Variants in TRAPPC9 observed in about 807,000 individuals in gnomAD.
TRAPPC9 encodes IKK2 binding protein.
In TRAPPC9, 83 loss-of-function variants were observed where a neutral mutation model predicts 124.0. The observed-to-expected ratio is 0.67, with a 90% CI of 0.56 to 0.80. The LOEUF (loss-of-function observed/expected upper bound fraction) is 0.80, where lower values mean the gene tolerates loss of function less well. TRAPPC9 is among the 30% of genes least tolerant of loss of function. The pLI is 0.00. For synonymous variants in TRAPPC9, 638 were observed against 617.5 expected (o/e 1.03, Z -0.49); for missense variants, 1,302 against 1,508.3 (o/e 0.86, Z 2.27).
chr8:139,795,156 C>T (rs1197944575), intron 21 of TRAPPC9, among the ~76,000 whole-genome samples: 5 of 152,198 alleles, frequency 3.3e-5, no homozygotes, highest in African/African-American at 9.7e-5. Flanking sequence ...CAGCCCAGGT[C>T]CCCCATGGGC....
rs549224731 is a variant in TRAPPC9, at chr8:140,305,808, T to C, written c.1623-5194A>G. 2.0e-5 allele frequency among the ~76,000 whole-genome samples: 3 copies of C among 152,316 alleles called. No individual in the cohort carries two copies. The South Asian group carries it at 6.2e-4, about 32-fold the overall frequency. ...AAGAGCTTTTCTGCTTATAAAACAA[T>C]TTCCCAAACATTTCATTTGATCCAT... On this transcript the variant is annotated intron_variant, in intron 10 of 22. Coordinates refer to ENST00000438773, the MANE Select transcript of TRAPPC9 (RefSeq NM_001160372.4).
intron 2 of TRAPPC9, among the ~76,000 whole-genome samples, chr8:140,443,228 G>A (rs960266215): frequency 2.7e-5 from 4 of 148,070 alleles, no homozygotes; most frequent in Admixed American, 6.8e-5. Context: ...AAAGTCAGGA[G>A]ATCGAGACCA....
At chr8:140,291,229 T>C (rs899806611) in intron 11 of TRAPPC9, 151 bp from the exon 12 acceptor site, 1 of 737,482 alleles carries the variant, frequency 1.4e-6, no homozygotes, top group African/African-American at 1.7e-5. Context: ...AAAGCTGCTT[T>C]TTCCACCAGC....
chr8:140,240,468 C>A (rs1246485349), intron 16 of TRAPPC9, among the ~76,000 whole-genome samples: 1 of 152,250 alleles, frequency 6.6e-6, no homozygotes, highest in Non-Finnish European at 1.5e-5. Context: ...TCACCTGGCA[C>A]ACTCCTGGTT....
intron 17 of TRAPPC9, among the ~76,000 whole-genome samples, chr8:140,180,132 T>G (rs1352551940): frequency 6.6e-6 from 1 of 151,692 alleles, no homozygotes; most frequent in Non-Finnish European, 1.5e-5. Context: ...GTCTCTTTTT[T>G]GTTCCTTTTC....
intron 11 of TRAPPC9, chr8:140,291,279 T>C: frequency 1.6e-6 from 1 of 639,932 alleles, no homozygotes; most frequent in Non-Finnish European, 2.8e-6. Context: ...ACTGGCACTT[T>C]GATGCCACAT....
At chr8:140,458,145 G>A, upstream of TRAPPC9, 2 of 1,478,994 alleles carry the variant, frequency 1.4e-6, no homozygotes, top group Admixed American at 4.1e-5. Flanking sequence ...AGAGGAGGAG[G>A]GAAGGAGGGA....
chr8:140,148,198 A>G (rs913155107), intron 17 of TRAPPC9, among the ~76,000 whole-genome samples: 2 of 152,202 alleles, frequency 1.3e-5, no homozygotes, highest in African/African-American at 2.4e-5. Flanking sequence ...AAGGAGTCAG[A>G]TGTATCCTGA....
At position 140,252,373 on chromosome 8, in the gene TRAPPC9, T is replaced by C. The variant is rs879152395; in HGVS notation, c.2431+404A>G. On this transcript the variant is annotated intron_variant, in intron 16 of 22. Transcript: ENST00000438773. The surrounding 1 kb of genome is among the most constrained non-coding windows in gnomAD (Gnocchi z 4.2). Reference sequence around the variant, plus strand: ...ATCAGTCCTAATGTTACAACAAATATAAATTTCCATTTCTTCCACACTCCA... The same window carrying C: ...ATCAGTCCTAATGTTACAACAAATACAAATTTCCATTTCTTCCACACTCCA... Among the ~76,000 whole-genome samples, 1 of 152,168 alleles carries C rather than the reference T, an allele frequency of 6.6e-6. No homozygotes were observed. Among genetic ancestry groups the C allele is most frequent in the African/African-American group, 2.4e-5 (1 of 41,454 alleles).
chr8:140,224,701 G>A (rs1235937099), intron 16 of TRAPPC9, among the ~76,000 whole-genome samples: 1 of 151,960 alleles, frequency 6.6e-6, no homozygotes, highest in Admixed American at 6.5e-5. Flanking sequence ...TTACCTTTAT[G>A]TATTGGTAAT....
chr8:140,304,534 C>A (rs906392394), intron 10 of TRAPPC9, among the ~76,000 whole-genome samples: 3 of 152,156 alleles, frequency 2.0e-5, no homozygotes, highest in African/African-American at 7.2e-5. Context: ...ACTGCCCAGG[C>A]CTTCCTTCAG....
chr8:139,967,896 T>C (rs1198816850), intron 19 of TRAPPC9, among the ~76,000 whole-genome samples: 1 of 152,170 alleles, frequency 6.6e-6, no homozygotes, highest in Non-Finnish European at 1.5e-5. Context: ...CCCAGCACTT[T>C]GGGAGGCCGA....
chr8:139,781,493 G>A, intron 21 of TRAPPC9, among the ~76,000 whole-genome samples: 1 of 152,220 alleles, frequency 6.6e-6, no homozygotes, highest in East Asian at 1.9e-4. Context: ...AACAGGCAGA[G>A]AATAGAGGAC....
At position 140,346,298 on chromosome 8, in the gene TRAPPC9, G is replaced by A. The variant is rs555346686; in HGVS notation, c.1495+13752C>T. Among the ~76,000 whole-genome samples, 17 of 152,244 alleles carry A rather than the reference G, an allele frequency of 1.1e-4. No individual in the cohort carries two copies. The South Asian group carries it at 2.7e-3, about 24-fold the overall frequency. On this transcript the variant is annotated intron_variant, in intron 9 of 22. Coordinates refer to ENST00000438773, the MANE Select transcript of TRAPPC9 (RefSeq NM_001160372.4). ...TCCAGGTCATCCCCAAAGGAACTGC[G>A]TGCCCCTCACACTGCTGGGATTACG...
intron 19 of TRAPPC9, among the ~76,000 whole-genome samples, chr8:139,956,962 G>A (rs1835028092): frequency 6.6e-6 from 1 of 152,266 alleles, no homozygotes; most frequent in South Asian, 2.1e-4. Flanking sequence ...ACCGGATAAG[G>A]CCCTGAGGTG....
At chr8:140,310,344 G>C (rs890055574) in intron 10 of TRAPPC9, among the ~76,000 whole-genome samples, 2 of 152,140 alleles carry the variant, frequency 1.3e-5, no homozygotes, top group African/African-American at 4.8e-5. Context: ...GCCAAGCCAA[G>C]AGCGTTTTAA....
chr8:140,407,375 C>G (rs2069530335), intron 5 of TRAPPC9, among the ~76,000 whole-genome samples: 1 of 149,060 alleles, frequency 6.7e-6, no homozygotes, highest in African/African-American at 2.5e-5. Flanking sequence ...AATGAATTAT[C>G]TTCACATTGT....
At chr8:140,071,113 A>C (rs1419934245) in intron 17 of TRAPPC9, among the ~76,000 whole-genome samples, 1 of 152,196 alleles carries the variant, frequency 6.6e-6, no homozygotes, top group African/African-American at 2.4e-5. Context: ...CCAGATGAAG[A>C]AATGGAGGAT....
chr8:140,330,618 C>A (rs887414174), intron 9 of TRAPPC9, among the ~76,000 whole-genome samples: 25 of 152,022 alleles, frequency 1.6e-4, no homozygotes, highest in African/African-American at 6.0e-4. Context: ...TGTGTTAAAC[C>A]ATCAGGTCAC....
Sources: allele counts gnomAD v4.1 joint callset (sites outside exome capture counted in the v4.1 genomes callset), GRCh38; gene constraint gnomAD v4.1.1; non-coding constraint Gnocchi (gnomAD v3.1); transcripts MANE v1.5; gene names NCBI Gene and HGNC (gene_info 2026-07-23, HGNC 2026-07-21).